Variants in EMC1 observed in about 807,000 individuals in gnomAD.
The protein encoded by EMC1 is KIAA0090.
Under a neutral mutation model 128.8 loss-of-function variants are expected in EMC1, and 103 were observed. The ratio of observed to expected loss-of-function variants is 0.80; its 90% CI spans 0.68 to 0.94. The LOEUF is 0.94. EMC1 is among the 40% of genes least tolerant of loss of function. The pLI, the probability that EMC1 is intolerant of heterozygous loss-of-function variation, is 0.00. For missense variants in EMC1, 1,083 were observed against 1,250.6 expected, an observed-to-expected ratio of 0.87 and a Z score of 2.02; for synonymous variants, 442 against 490.4, an observed-to-expected ratio of 0.90 and a Z score of 1.30.
intron 5 of EMC1, 27 bp downstream of exon 5, chr1:19,242,318 C>T (rs368204953): frequency 6.2e-7 from 1 of 1,613,656 alleles, no homozygotes; most frequent in Non-Finnish European, 8.5e-7. Context: ...AACGAGGCAG[C>T]TATTGCCTGT....
intron 7 of EMC1, 58 bp downstream of exon 7, chr1:19,240,239 A>G (rs2093596678): frequency 6.2e-7 from 1 of 1,605,102 alleles, no homozygotes; most frequent in African/African-American, 1.3e-5. Context: ...ATCATGCCAA[A>G]CTTTCTACTC....
At position 19,220,757 on chromosome 1, in the gene EMC1, G is replaced by T; in HGVS notation, c.2672+7C>A. On this transcript the variant is annotated splice_region_variant and intron_variant, in intron 21 of 22. Coordinates refer to ENST00000477853, the MANE Select transcript of EMC1 (RefSeq NM_015047.3). ...AGAGCCTTCAGCACTGCCCATGAGG[G>T]TCTCACCTGCTTTGTTCTGTTGGGA... 6.2e-7 allele frequency: 1 copy of T among 1,610,282 alleles called. No individual in the cohort carries two copies. Among genetic ancestry groups the T allele is most frequent in the Non-Finnish European group, 8.5e-7 (1 of 1,177,546 alleles).
At chr1:19,231,558 C>A (rs576061097) in intron 15 of EMC1, 136 bp from the exon 16 acceptor site, 147 of 911,394 alleles carry the variant, frequency 1.6e-4, no homozygotes, top group Non-Finnish European at 2.1e-4. Context: ...AAAATAAGTT[C>A]TTGGCTGTAG....
intron 13 of EMC1, among the ~76,000 whole-genome samples, chr1:19,233,525 G>A (rs2093540206): frequency 6.6e-6 from 1 of 152,160 alleles, no homozygotes; most frequent in Non-Finnish European, 1.5e-5. Flanking sequence ...GGGGGTGGAG[G>A]GTGCAGGTCA....
At chr1:19,241,533 T>C (rs1047269821) in intron 5 of EMC1, among the ~76,000 whole-genome samples, 4 of 152,106 alleles carry the variant, frequency 2.6e-5, no homozygotes, top group Non-Finnish European at 5.9e-5. Flanking sequence ...TGTTTTTTTT[T>C]AGACAGCGTC....
chr1:19,244,754 G>T, intron 2 of EMC1, 152 bp downstream of exon 2: 1 of 782,946 alleles, frequency 1.3e-6, no homozygotes, highest in Non-Finnish European at 2.0e-6. Context: ...TTCAAAGATG[G>T]TAAGACTGAA....
chr1:19,242,359 T>C lies in EMC1; in HGVS notation c.495A>G (p.Glu165=). Residue 165 remains glutamate, a synonymous_variant, in exon 5 of 23, where the codon GAA becomes GAG. Coordinates refer to ENST00000477853, the MANE Select transcript of EMC1 (RefSeq NM_015047.3). ...GGCAGCCTTACCTTTCTGGGAGATG[T>C]TCCACCCACTTGAGGTGCCCACTGG... ...HLSSGHLKWV[E]HLPESDSIHY... is the part of the protein sequence containing the mutation. 1 of 1,614,192 alleles carries C rather than the reference T, an allele frequency of 6.2e-7. No homozygotes were observed. Among genetic ancestry groups the C allele is most frequent in the Non-Finnish European group, 8.5e-7 (1 of 1,180,036 alleles).
intron 16 of EMC1, 81 bp from the exon 17 acceptor site, chr1:19,231,044 A>C (rs1277526285): frequency 2.6e-6 from 4 of 1,554,334 alleles, no homozygotes; most frequent in Non-Finnish European, 3.5e-6. Context: ...ACTGCAAATC[A>C]GTTGATTTGA....
At chr1:19,248,375 C>T (rs1426797211) in intron 1 of EMC1, among the ~76,000 whole-genome samples, 3 of 150,744 alleles carry the variant, frequency 2.0e-5, no homozygotes, top group African/African-American at 7.3e-5. Context: ...TTTTTGTATG[C>T]TTTGCAGAAA....
intron 12 of EMC1, among the ~76,000 whole-genome samples, chr1:19,235,701 GAAATA>G (rs1212147012): frequency 2.0e-5 from 3 of 151,772 alleles, no homozygotes; most frequent in African/African-American, 7.3e-5. Flanking sequence ...ACTCCGTCTT[GAAATA>G]AAATAAAATA....
rs1572022988 is a variant in EMC1, at chr1:19,241,108, CG to C, written c.543del (p.Tyr181Ter). ...CCGAGGGCCCACACCACCCCAGAGC[CG>C]TAAGAATACACCATCTGGTAGTGGA... ...DSIHYQMVYS[Y>X]GSGVVWALGV... On this transcript the variant is annotated frameshift_variant, in exon 6 of 23. Coordinates refer to ENST00000477853, the MANE Select transcript of EMC1 (RefSeq NM_015047.3). LOFTEE classifies it high-confidence loss of function. 1 of 1,614,166 alleles carries C rather than the reference CG, an allele frequency of 6.2e-7. No individual in the cohort carries two copies. Among genetic ancestry groups the C allele is most frequent in the East Asian group, 2.2e-5 (1 of 44,882 alleles).
intron 18 of EMC1, 96 bp downstream of exon 18, chr1:19,227,217 G>A: frequency 7.3e-7 from 1 of 1,364,794 alleles, no homozygotes; most frequent in South Asian, 1.3e-5. Flanking sequence ...ACTTACTCAA[G>A]GTCATATATG....
At position 19,227,410 on chromosome 1, in the gene EMC1, G is replaced by T. The variant is rs781072054; in HGVS notation, c.2105C>A (p.Pro702Gln). 5.1e-5 allele frequency: 83 copies of T among 1,614,068 alleles called. No individual in the cohort carries two copies. Among genetic ancestry groups the T allele is most frequent in the Non-Finnish European group, 6.9e-5 (81 of 1,180,032 alleles). ...CACCTTGACGATCCGCTGTACTTCT[G>T]GGGGAATGGTCAGCTCCCAACTCAG... ...TELSWELTIP[P>Q]EVQRIVKVKG... Residue 702 changes from proline (P) to glutamine (Q), a missense_variant, in exon 18 of 23, where the codon CCA becomes CAA. Coordinates refer to ENST00000477853, the MANE Select transcript of EMC1 (RefSeq NM_015047.3).
intron 17 of EMC1, chr1:19,229,308 A>G (rs1412756049): frequency 6.6e-6 from 1 of 152,198 alleles, no homozygotes; most frequent in Non-Finnish European, 1.5e-5. Flanking sequence ...AATTATTAAT[A>G]ATAAGCCTTC....
At chr1:19,242,688 A>G (rs1333388820) in intron 4 of EMC1, among the ~76,000 whole-genome samples, 1 of 152,160 alleles carries the variant, frequency 6.6e-6, no homozygotes, top group Non-Finnish European at 1.5e-5. Context: ...CCCTGAAACC[A>G]TCTGTATCTC....
Position 19,251,395 on chromosome 1 carries a change from T to G in EMC1, c.95+20A>C. On this transcript the variant is annotated intron_variant, in intron 1 of 22. Transcript: ENST00000477853. Reference sequence around the variant, plus strand: ...GGGAAACAGCCACTTATCTCTCGAATATGTTCCACACGTACGCACCAATCA... The same window carrying G: ...GGGAAACAGCCACTTATCTCTCGAAGATGTTCCACACGTACGCACCAATCA... 1 of 1,609,136 alleles carries G rather than the reference T, an allele frequency of 6.2e-7. No individual in the cohort carries two copies. The highest frequency in any genetic ancestry group is 1.1e-5 in the South Asian group (1 of 90,998).
intron 13 of EMC1, among the ~76,000 whole-genome samples, 184 bp downstream of exon 13, chr1:19,234,946 A>G (rs148940165): frequency 2.6e-5 from 4 of 152,288 alleles, no homozygotes; most frequent in Non-Finnish European, 5.9e-5. Flanking sequence ...CTTTCACAGA[A>G]AAGAATGGTT....
chr1:19,242,708 G>A (rs185167456), intron 4 of EMC1, among the ~76,000 whole-genome samples: 23 of 152,326 alleles, frequency 1.5e-4, no homozygotes, highest in South Asian at 6.2e-4. Flanking sequence ...CCTAAGGGCT[G>A]TTCCCTCCTT....
chr1:19,228,492 G>A (rs2093495057), intron 17 of EMC1, among the ~76,000 whole-genome samples: 2 of 152,264 alleles, frequency 1.3e-5, no homozygotes, highest in Middle Eastern at 3.4e-3. Context: ...CCTTGGGGGT[G>A]GAGACAGGAG....
Sources: gnomAD v4.1 joint callset for allele counts (sites outside exome capture counted in the v4.1 genomes callset) on GRCh38, gnomAD v4.1.1 for gene constraint, MANE v1.5 for transcripts, NCBI Gene and HGNC (gene_info 2026-07-23, HGNC 2026-07-21) for gene names.